Variants in SEM1 observed in about 807,000 individuals in gnomAD.
SEM1 encodes 26S proteasome complex subunit SEM1.
A neutral mutation model predicts 12.7 loss-of-function variants in SEM1; 3 were observed. The observed-to-expected ratio is 0.24, with a 90% CI of 0.11 to 0.61. The LOEUF is 0.61. Ranked by LOEUF, SEM1 falls within the 20% of genes least tolerant of loss-of-function variation. The probability of loss-of-function intolerance (pLI) is 0.88; values close to 1 mark genes in which losing one functional copy is unlikely to be tolerated. For synonymous variants in SEM1, 30 were observed against 27.8 expected (o/e 1.08, Z -0.25); for missense variants, 59 against 81.3 (o/e 0.73, Z 1.06).
At chr7:96,657,119 G>GAAC (rs1438502442) in intron 2 of SEM1, among the ~76,000 whole-genome samples, 1 of 152,030 alleles carries the variant, frequency 6.6e-6, no homozygotes, top group East Asian at 1.9e-4. Context: ...GAAACAGTGA[G>GAAC]AACAATTAAG....
At chr7:96,568,916 G>C (rs1322323391) in intron 2 of SEM1, among the ~76,000 whole-genome samples, 1 of 151,706 alleles carries the variant, frequency 6.6e-6, no homozygotes, top group Non-Finnish European at 1.5e-5. Context: ...TTAAACTTTT[G>C]TTTCTTGAAA....
intron 2 of SEM1, among the ~76,000 whole-genome samples, chr7:96,507,518 A>T (rs919088231): frequency 6.6e-6 from 1 of 151,998 alleles, no homozygotes; most frequent in African/African-American, 2.4e-5. Flanking sequence ...AAAAATTAAG[A>T]TTTACCCAGG....
chr7:96,623,234 G>C (rs1187404248), intron 2 of SEM1: 1 of 152,128 alleles, frequency 6.6e-6, no homozygotes, highest in Non-Finnish European at 1.5e-5. Flanking sequence ...CAAGCCTTCA[G>C]ATTCAGGCTG....
chr7:96,704,402 T>C (rs1479259533), intron 1 of SEM1, among the ~76,000 whole-genome samples: 1 of 152,136 alleles, frequency 6.6e-6, no homozygotes, highest in Non-Finnish European at 1.5e-5. Context: ...TATACAATTA[T>C]CCTATATAAT....
At chr7:96,660,954 T>C (rs1372182019) in intron 2 of SEM1, among the ~76,000 whole-genome samples, 1 of 152,138 alleles carries the variant, frequency 6.6e-6, no homozygotes. Context: ...TTATTTGAAA[T>C]AGAACAAGTG....
At chr7:96,632,790 T>G (rs1305949190) in intron 2 of SEM1, among the ~76,000 whole-genome samples, 9 of 150,198 alleles carry the variant, frequency 6.0e-5, no homozygotes, top group African/African-American at 9.8e-5. Flanking sequence ...TTTTGTTTTT[T>G]TTTTTTTTTT....
chr7:96,705,816 T>C (rs1265947531), intron 1 of SEM1, among the ~76,000 whole-genome samples: 1 of 149,770 alleles, frequency 6.7e-6, no homozygotes, highest in Non-Finnish European at 1.5e-5. Context: ...CGAGACTCTG[T>C]CTCAAAAAAA....
At chr7:96,630,478 A>G (rs992741051) in intron 2 of SEM1, among the ~76,000 whole-genome samples, 1 of 152,102 alleles carries the variant, frequency 6.6e-6, no homozygotes, top group African/African-American at 2.4e-5. Context: ...ACAGCTCTTC[A>G]GTCAGCTTGT....
chr7:96,565,590 T>C (rs539121488), intron 2 of SEM1, among the ~76,000 whole-genome samples: 2 of 152,044 alleles, frequency 1.3e-5, no homozygotes, highest in African/African-American at 4.8e-5. Context: ...GAACAAAATA[T>C]ACTCTTACCC....
At chr7:96,629,479 T>G (rs1489720814) in intron 2 of SEM1, among the ~76,000 whole-genome samples, 1 of 152,008 alleles carries the variant, frequency 6.6e-6, no homozygotes, top group Non-Finnish European at 1.5e-5. Context: ...TTCTGCTTTA[T>G]TCATTTTAGT....
At chr7:96,541,149 G>A (rs1054998219) in intron 2 of SEM1, among the ~76,000 whole-genome samples, 1 of 151,760 alleles carries the variant, frequency 6.6e-6, no homozygotes, top group Non-Finnish European at 1.5e-5. Context: ...TACGTACTTT[G>A]AGAAAGAAAT....
At chr7:96,531,563 A>G (rs1405706353) in intron 2 of SEM1, among the ~76,000 whole-genome samples, 1 of 150,536 alleles carries the variant, frequency 6.6e-6, no homozygotes, top group Non-Finnish European at 1.5e-5. Flanking sequence ...AGCCATCATC[A>G]TGTCACTGCA....
chr7:96,535,413 A>G (rs927205083), intron 2 of SEM1, among the ~76,000 whole-genome samples: 3 of 151,856 alleles, frequency 2.0e-5, no homozygotes, highest in Admixed American at 2.0e-4. Flanking sequence ...CACTGTTTTT[A>G]CTGCATCCTA....
chr7:96,483,938 T>C (rs1261812537), exon 4 of SEM1: 2 of 1,536,270 alleles, frequency 1.3e-6, no homozygotes, highest in South Asian at 1.2e-5. Flanking sequence ...ATCTTCACAG[T>C]GCACCAAGGA....
At chr7:96,534,965 C>A (rs1175046299) in intron 2 of SEM1, among the ~76,000 whole-genome samples, 2 of 151,744 alleles carry the variant, frequency 1.3e-5, no homozygotes, top group Non-Finnish European at 2.9e-5. Context: ...AATGAGAGTT[C>A]TTTGGAGTTA....
Position 96,640,562 on chromosome 7 carries a change from G to C in SEM1, c.171-17919C>G, listed in dbSNP as rs964138509. Among the ~76,000 whole-genome samples, 3 of 151,992 alleles carry C rather than the reference G, an allele frequency of 2.0e-5. No homozygotes were observed. The highest frequency in any genetic ancestry group is 2.1e-4 in the South Asian group (1 of 4,820). ...CAGTGAAAACTTTAGTGGTTGGCAG[G>C]GGGTAGTGGGAGGGAGAGATGAATA... is the stretch of plus-strand genomic sequence containing the variant. On this transcript the variant is annotated intron_variant, in intron 2 of 2. Coordinates refer to the SEM1 transcript ENST00000417009. The surrounding 1 kb of genome is among the most constrained non-coding windows in gnomAD (Gnocchi z 4.0).
At chr7:96,542,223 CAGTCT>C (rs1804979456) in intron 2 of SEM1, among the ~76,000 whole-genome samples, 1 of 151,684 alleles carries the variant, frequency 6.6e-6, no homozygotes, top group African/African-American at 2.4e-5. Context: ...CTGATTCTTC[CAGTCT>C]ATGAGCATGG....
At chr7:96,628,700 TTC>T (rs1318414601) in intron 2 of SEM1, among the ~76,000 whole-genome samples, 5 of 152,186 alleles carry the variant, frequency 3.3e-5, no homozygotes, top group African/African-American at 1.2e-4. Flanking sequence ...TGTTACAATA[TTC>T]TTTGTTTTTC....
intron 2 of SEM1, among the ~76,000 whole-genome samples, chr7:96,648,055 A>G (rs1808858626): frequency 6.6e-6 from 1 of 152,206 alleles, no homozygotes; most frequent in Non-Finnish European, 1.5e-5. Context: ...ATATTCACAC[A>G]ACACTGGCTG....
Sources: allele counts gnomAD v4.1 joint callset (sites outside exome capture counted in the v4.1 genomes callset), GRCh38; gene constraint gnomAD v4.1.1; non-coding constraint Gnocchi (gnomAD v3.1); transcripts MANE v1.5; gene names NCBI Gene and HGNC (gene_info 2026-07-23, HGNC 2026-07-21).